ZMYND15: variants seen among roughly 807,000 people sequenced by gnomAD.
ZMYND15 encodes zinc finger MYND domain-containing protein 15.
A neutral mutation model predicts 81.7 loss-of-function variants in ZMYND15; 54 were observed. The observed-to-expected ratio is 0.66, with a 90% confidence interval of 0.53 to 0.83. ZMYND15 has a LOEUF of 0.83. Ranked by LOEUF, ZMYND15 falls within the 40% of genes least tolerant of loss-of-function variation. ZMYND15 has a pLI of 0.00. For synonymous variants in ZMYND15, 399 were observed against 387.0 expected (o/e 1.03, Z -0.36); for missense variants, 925 against 973.5 (o/e 0.95, Z 0.66).
In ZMYND15 at chr17:4,740,775, A is replaced by G; in HGVS notation, c.227A>G (p.Glu76Gly). 2 of 1,597,338 alleles carry G rather than the reference A, an allele frequency of 1.3e-6. No homozygotes were observed. The highest frequency in any genetic ancestry group is 1.7e-6 in the Non-Finnish European group (2 of 1,168,342). The change falls in exon 2 of 14, where the codon GAA becomes GGA. Residue 76 changes from glutamate to glycine, a missense_variant. Physicochemically the swap from Glu to Gly is moderately conservative, Grantham distance 98. Transcript: ENST00000433935. ...GGCATCAGCCTGGGGCAAGGGGCAG[A>G]ACCAGGTCCTGGACCAGGCCTGGGG... ...SVGISLGQGAEPGPGPGLGTA... is the reference protein window; with the variant it reads ...SVGISLGQGAGPGPGPGLGTA...
Position 4,745,982 on chromosome 17 carries a change from C to T in ZMYND15, c.2221C>T (p.Arg741Trp), listed in dbSNP as rs1217620308. 3 of 1,440,522 alleles carry T rather than the reference C, an allele frequency of 2.1e-6. No homozygotes were observed. Among genetic ancestry groups the T allele is most frequent in the Non-Finnish European group, 2.7e-6 (3 of 1,101,460 alleles). 89.2% of individuals were successfully genotyped at this position (1,440,522 alleles called of 1,614,324 possible). Reference sequence around the variant, plus strand: ...GAAACCTGGGCGGGGGGCCCGCCGGCGGAAATGAATGCTGATACCCTAGTA... The same window carrying T: ...GAAACCTGGGCGGGGGGCCCGCCGGTGGAAATGAATGCTGATACCCTAGTA... The part of the protein sequence containing the change: ...EKKPGRGARR[R>W]K Residue 741 changes from arginine to tryptophan, a missense_variant, in exon 14 of 14, where the codon CGG becomes TGG. By Grantham distance (101) the Arg-to-Trp change is moderately radical (BLOSUM62 -3). Coordinates refer to ENST00000433935, the MANE Select transcript of ZMYND15 (RefSeq NM_001136046.3). The surrounding 1 kb of genome is among the most constrained non-coding windows in gnomAD (Gnocchi z 5.2).
chr17:4,740,887 G>A lies in ZMYND15; in HGVS notation c.339G>A (p.Glu113=). The change falls in exon 2 of 14, where the codon GAG becomes GAA. Residue 113 remains glutamate, a synonymous_variant. Coordinates refer to ENST00000433935, the MANE Select transcript of ZMYND15 (RefSeq NM_001136046.3). ...YISFVSLEDG[E]EGEEEEEEDE... ...GCTTTGTCAGCCTAGAGGATGGGGA[G>A]GAAGGGGAGGAGGAAGAGGAGGAAG... The A allele has an allele frequency of 1.3e-6, 2 of 1,579,768 alleles. No individual in the cohort carries two copies. Among genetic ancestry groups the A allele is most frequent in the Non-Finnish European group, 1.7e-6 (2 of 1,160,474 alleles).
rs1036034220 is a variant in ZMYND15 at position 4,740,497 on chromosome 17, A to G, written c.-30-22A>G. 3.3e-6 allele frequency: 5 copies of G among 1,527,406 alleles called. No individual in the cohort carries two copies. The African/African-American group carries it at 4.1e-5, about 13-fold the overall frequency. The allele number at this position is 1,527,406 out of a possible 1,614,324, so 94.6% of individuals were successfully genotyped here. A position where few individuals can be genotyped will look rare whatever the true frequency, so the allele number is the denominator to read the frequency against. ...CATCATTGCTCTCCTGTCCCTCACC[A>G]TATATCCCTTCTTTTGCTCAGTCTG... On this transcript the variant is annotated intron_variant, in intron 1 of 13. Coordinates refer to ENST00000433935, the MANE Select transcript of ZMYND15 (RefSeq NM_001136046.3).
chr17:4,740,802 C>T lies in ZMYND15; in HGVS notation c.254C>T (p.Thr85Ile), dbSNP rs768867719. The stretch of plus-strand genomic sequence containing the variant: ...CCAGGTCCTGGACCAGGCCTGGGGA[C>T]TGCCTGGCTCCTGGGAGACAACCCT... ...AEPGPGPGLG[T>I]AWLLGDNPPL... Residue 85 changes from threonine to isoleucine, a missense_variant, in exon 2 of 14, where the codon ACT becomes ATT. Thr to Ile is a moderately conservative substitution (Grantham distance 89, BLOSUM62 -1). Transcript: ENST00000433935. The T allele has an allele frequency of 6.3e-7, 1 of 1,588,138 alleles. No individual in the cohort carries two copies. Among genetic ancestry groups the T allele is most frequent in the Middle Eastern group, 1.7e-4 (1 of 5,954 alleles).
At chr17:4,741,290 TAA>T in intron 2 of ZMYND15, 150 bp downstream of exon 2, 2 of 913,002 alleles carry the variant, frequency 2.2e-6, no homozygotes, top group Non-Finnish European at 3.1e-6. Context: ...TTTTTTTTTT[TAA>T]TTTAATGTTT....
chr17:4,746,040 T>G lies in ZMYND15; in HGVS notation c.*50T>G, dbSNP rs1016030485. 13 of 1,394,490 alleles carry G rather than the reference T, an allele frequency of 9.3e-6. No individual in the cohort carries two copies. The highest frequency in any genetic ancestry group is 1.1e-5 in the Non-Finnish European group (12 of 1,073,264). 86.4% of individuals were successfully genotyped at this position (1,394,490 alleles called of 1,614,324 possible). On this transcript the variant is annotated 3_prime_UTR_variant, in exon 14 of 14. Coordinates refer to ENST00000433935, the MANE Select transcript of ZMYND15 (RefSeq NM_001136046.3). ...GCTCCCAAACACTGAAAGGAAAACGTGAAAACACTCAAGGCCTAGGGGGAG... is the reference window on the plus strand; with the variant it reads ...GCTCCCAAACACTGAAAGGAAAACGGGAAAACACTCAAGGCCTAGGGGGAG...
At position 4,745,036 on chromosome 17, in the gene ZMYND15, C is replaced by T; in HGVS notation, c.1896+108C>T. ...TCCTCCTCTTCACCATCACCTGCTC[C>T]ACAAACCTGGGGAGTGCCCACGGGT... On this transcript the variant is annotated intron_variant, in intron 12 of 13. Transcript: ENST00000433935. This position sits in a 1 kb window ranked among gnomAD's most constrained non-coding sequence, Gnocchi z 5.2. 1.3e-6 allele frequency: 2 copies of T among 1,557,926 alleles called. No individual in the cohort carries two copies. Among genetic ancestry groups the T allele is most frequent in the Middle Eastern group, 1.9e-4 (1 of 5,206 alleles).
Position 4,744,858 on chromosome 17 carries a change from C to G in ZMYND15, c.1838-12C>G, listed in dbSNP as rs775529554. 5 of 1,613,280 alleles carry G rather than the reference C, an allele frequency of 3.1e-6. No homozygotes were observed. Among genetic ancestry groups the G allele is most frequent in the Admixed American group, 3.4e-5 (2 of 59,328 alleles). ...CCGTGGGAGCCAGCTTCTCCCTCCT[C>G]TCTGTCTGCAGGATTTAACTCCGGG... On this transcript the variant is annotated splice_polypyrimidine_tract_variant and intron_variant, in intron 11 of 13. Transcript: ENST00000433935. The surrounding 1 kb of genome is among the most constrained non-coding windows in gnomAD (Gnocchi z 4.1).
At chr17:4,740,191 T>G in intron 1 of ZMYND15, 141 bp downstream of exon 1, 3 of 614,342 alleles carry the variant, frequency 4.9e-6, no homozygotes, top group Non-Finnish European at 6.2e-6. Flanking sequence ...CACCAAACCG[T>G]TCCCGATAGG....
rs925819982 is a variant in ZMYND15, at chr17:4,744,535, C to T, written c.1683+68C>T. 3.1e-6 allele frequency: 5 copies of T among 1,605,206 alleles called. No individual in the cohort carries two copies. The highest frequency in any genetic ancestry group is 3.4e-6 in the Non-Finnish European group (4 of 1,174,538). The stretch of plus-strand genomic sequence containing the variant: ...AGTGACCTCCTGGTTGGGTCCTGCC[C>T]TTCTGCCCCCCACTCCCCATCTTGC... On this transcript the variant is annotated intron_variant, in intron 10 of 13. Transcript: ENST00000433935. This position sits in a 1 kb window ranked among gnomAD's most constrained non-coding sequence, Gnocchi z 4.1.
At position 4,744,220 on chromosome 17, in the gene ZMYND15, C is replaced by T. The variant is rs758713155; in HGVS notation, c.1526C>T (p.Ser509Leu). ...FPELNIQNKQ[S>L]LKIHVVEAGK... is the part of the protein sequence containing the mutation. ...GAGCTCAACATCCAAAACAAACAGT[C>T]ACTGAAGATCCACGTGGTGGAGGCC... is the stretch of plus-strand genomic sequence containing the variant. Residue 509 changes from serine (S) to leucine (L), a missense_variant, in exon 9 of 14, where the codon TCA becomes TTA. Ser to Leu is a moderately radical substitution (Grantham distance 145). Coordinates refer to ENST00000433935, the MANE Select transcript of ZMYND15 (RefSeq NM_001136046.3). The surrounding 1 kb of genome is among the most constrained non-coding windows in gnomAD (Gnocchi z 4.1). 6.2e-7 allele frequency: 1 copy of T among 1,614,102 alleles called. No homozygotes were observed. The highest frequency in any genetic ancestry group is 8.5e-7 in the Non-Finnish European group (1 of 1,180,030).
At position 4,740,704 on chromosome 17, in the gene ZMYND15, G is replaced by A. The variant is rs752321650; in HGVS notation, c.156G>A (p.Gln52=). 1 of 1,613,796 alleles carries A rather than the reference G, an allele frequency of 6.2e-7. No homozygotes were observed. Among genetic ancestry groups the A allele is most frequent in the Admixed American group, 1.7e-5 (1 of 59,952 alleles). Residue 52 remains glutamine, a synonymous_variant, in exon 2 of 14, where the codon CAG becomes CAA. Transcript: ENST00000433935. ...QLEAQIRRLP[Q]DPALWVLHVL... ...AGGCCCAGATCAGAAGGCTACCCCA[G>A]GACCCTGCCCTTTGGGTGCTCCATG...
Position 4,742,413 on chromosome 17 carries a change from C to T in ZMYND15, c.1066C>T (p.Arg356Ter), listed in dbSNP as rs955050200. The T allele has an allele frequency of 1.2e-6, 2 of 1,614,148 alleles. No homozygotes were observed. The highest frequency in any genetic ancestry group is 2.2e-5 in the South Asian group (2 of 91,076). Reference protein sequence around the residue: ...WQRCPDDVSHRFWCPRLAAFM... With the variant: ...WQRCPDDVSH Reference sequence around the variant, plus strand: ...GCGGTGCCCAGATGATGTGAGTCACCGATTTTGGTGCCCAAGGCTTGCAGC... The same window carrying T: ...GCGGTGCCCAGATGATGTGAGTCACTGATTTTGGTGCCCAAGGCTTGCAGC... Residue 356 changes from arginine (R) to a stop codon, truncating the protein, a stop_gained, in exon 5 of 14, where the codon CGA becomes TGA. Coordinates refer to ENST00000433935, the MANE Select transcript of ZMYND15 (RefSeq NM_001136046.3). LOFTEE classifies it high-confidence loss of function.
intron 5 of ZMYND15, among the ~76,000 whole-genome samples, chr17:4,742,971 G>A (rs1314153520): frequency 1.3e-5 from 2 of 152,098 alleles, no homozygotes; most frequent in East Asian, 3.9e-4. Flanking sequence ...CAAGGCTGGG[G>A]TTCTAGGCCG....
chr17:4,744,657 C>T lies in ZMYND15; in HGVS notation c.1716C>T (p.Ser572=), dbSNP rs182848415. 3.5e-5 allele frequency: 57 copies of T among 1,613,328 alleles called. No individual in the cohort carries two copies. The highest frequency in any genetic ancestry group is 1.1e-4 in the South Asian group (10 of 91,048). ...TGGAGGTGTCTGTCCGGCCTGGTTC[C>T]GGCATATCAGCACGGCCCAGCTCTG... ...DSLEVSVRPG[S]GISARPSSGT... The change falls in exon 11 of 14, where the codon TCC becomes TCT. Residue 572 remains serine, a synonymous_variant. Transcript: ENST00000433935. This position sits in a 1 kb window ranked among gnomAD's most constrained non-coding sequence, Gnocchi z 4.1.
At position 4,745,067 on chromosome 17, in the gene ZMYND15, T is replaced by A; in HGVS notation, c.1896+139T>A. The A allele has an allele frequency of 2.0e-6, 3 of 1,534,650 alleles. No individual in the cohort carries two copies. The South Asian group carries it at 3.5e-5, about 18-fold the overall frequency. Reference sequence around the variant, plus strand: ...CCTGGGGAGTGCCCACGGGTCCCCCTGCCTCTCTCTGTGTCTGTCTCCGTC... The same window carrying A: ...CCTGGGGAGTGCCCACGGGTCCCCCAGCCTCTCTCTGTGTCTGTCTCCGTC... On this transcript the variant is annotated intron_variant, in intron 12 of 13. Transcript: ENST00000433935. The surrounding 1 kb of genome is among the most constrained non-coding windows in gnomAD (Gnocchi z 5.2).
At position 4,741,828 on chromosome 17, in the gene ZMYND15, T is replaced by A; in HGVS notation, c.827+12T>A. On this transcript the variant is annotated intron_variant, in intron 3 of 13. Transcript: ENST00000433935. The stretch of plus-strand genomic sequence containing the variant: ...GCCCGGCTGCATCGGTATAGAAATC[T>A]GGTATCTGAGGCTGGGGAGGACTCG... 6.3e-7 allele frequency: 1 copy of A among 1,576,062 alleles called. No homozygotes were observed. The highest frequency in any genetic ancestry group is 1.2e-5 in the South Asian group (1 of 85,730).
rs183750745 is a variant in ZMYND15 at position 4,743,539 on chromosome 17, C to A, written c.1297+84C>A. ...GTTGTCTGGGTCCCAGATGATCCCT[C>A]CACATACACACTGACCCCTACCAAC... is the stretch of plus-strand genomic sequence containing the variant. On this transcript the variant is annotated intron_variant, in intron 6 of 13. Coordinates refer to ENST00000433935, the MANE Select transcript of ZMYND15 (RefSeq NM_001136046.3). This position sits in a 1 kb window ranked among gnomAD's most constrained non-coding sequence, Gnocchi z 4.3. 5 of 1,564,528 alleles carry A rather than the reference C, an allele frequency of 3.2e-6. No individual in the cohort carries two copies. In the Admixed American group the frequency reaches 8.8e-5, roughly 28 times the overall value.
chr17:4,744,595 C>T lies in ZMYND15; in HGVS notation c.1684-30C>T. On this transcript the variant is annotated intron_variant, in intron 10 of 13. Transcript: ENST00000433935. This position sits in a 1 kb window ranked among gnomAD's most constrained non-coding sequence, Gnocchi z 4.1. ...CCTCCAGTTCCCTGACTTCCAGTGGCTTTTCCACCCCACTCCTGGGGCCCC... is the reference window on the plus strand; with the variant it reads ...CCTCCAGTTCCCTGACTTCCAGTGGTTTTTCCACCCCACTCCTGGGGCCCC... The T allele has an allele frequency of 6.2e-7, 1 of 1,603,994 alleles. No individual in the cohort carries two copies. The highest frequency in any genetic ancestry group is 8.5e-7 in the Non-Finnish European group (1 of 1,175,306).
Sources: allele counts gnomAD v4.1 joint callset (sites outside exome capture counted in the v4.1 genomes callset), GRCh38; gene constraint gnomAD v4.1.1; non-coding constraint Gnocchi (gnomAD v3.1); transcripts MANE v1.5; gene names NCBI Gene and HGNC (gene_info 2026-07-23, HGNC 2026-07-21).